Variants in SLC16A2 observed in about 807,000 individuals in gnomAD.
SLC16A2 encodes solute carrier family 16 member 2, also known as monocarboxylate transporter 8.
Under a neutral mutation model 27.2 loss-of-function variants are expected in SLC16A2, and 3 were observed. The ratio of observed to expected loss-of-function variants is 0.11; its 90% confidence interval spans 0.05 to 0.28. SLC16A2 has a LOEUF of 0.28. SLC16A2 is among the 10% of genes least tolerant of loss of function. The pLI, the probability that SLC16A2 is intolerant of heterozygous loss-of-function variation, is 1.00. For synonymous variants in SLC16A2, 202 were observed against 187.8 expected (o/e 1.08, Z -0.62); for missense variants, 295 against 458.5 (o/e 0.64, Z 3.26).
At chrX:74,463,620 G>A (rs1602116997) in intron 1 of SLC16A2, among the ~76,000 whole-genome samples, 1 of 110,469 alleles carries the variant, frequency 9.1e-6, no homozygotes, top group East Asian at 2.8e-4. Context: ...TCCTCCTCCC[G>A]GGTTCATGCC....
At chrX:74,429,293 C>A (rs971295518) in intron 1 of SLC16A2, among the ~76,000 whole-genome samples, 13 of 111,190 alleles carry the variant, frequency 1.2e-4, no homozygotes, top group Non-Finnish European at 2.3e-4. Flanking sequence ...CATAGGGATA[C>A]CCCGTCTCTA....
At chrX:74,439,255 CTCTT>C (rs1304424896) in intron 1 of SLC16A2, among the ~76,000 whole-genome samples, 1 of 76,988 alleles carries the variant, frequency 1.3e-5, no homozygotes, top group Non-Finnish European at 2.3e-5. Flanking sequence ...TCTTTCTTCT[CTCTT>C]TCTCTCTCCC....
chrX:74,521,267 C>A, intron 2 of SLC16A2, 133 bp downstream of exon 2: 1 of 781,797 alleles, frequency 1.3e-6, no homozygotes, highest in Non-Finnish European at 1.9e-6. Flanking sequence ...AGATCCTGCA[C>A]CCTGGATTCA....
chrX:74,521,690 GCATTTCTGACTCTTTTCCAGATAGCT>G (rs1394537422), intron 2 of SLC16A2, among the ~76,000 whole-genome samples: 1 of 112,305 alleles, frequency 8.9e-6, no homozygotes, highest in African/African-American at 3.2e-5. Context: ...AGGATGTTTA[GCATTTCTGACTCTTTTCCAGATAGCT>G]CAGGCTGCTG....
intron 1 of SLC16A2, among the ~76,000 whole-genome samples, chrX:74,510,706 T>C (rs1334394083): frequency 1.8e-5 from 2 of 111,071 alleles, no homozygotes; most frequent in Non-Finnish European, 3.8e-5. Flanking sequence ...AATAACCTAA[T>C]ATGGAGGTAA....
intron 3 of SLC16A2, 77 bp downstream of exon 3, chrX:74,524,886 G>C (rs1277669009): frequency 2.2e-6 from 2 of 912,872 alleles, no homozygotes; most frequent in African/African-American, 1.9e-5. Flanking sequence ...CCAGAGGGTG[G>C]GGGTGGGAGA....
chrX:74,434,114 G>A (rs1928579511), intron 1 of SLC16A2, among the ~76,000 whole-genome samples: 1 of 111,629 alleles, frequency 9.0e-6, no homozygotes, highest in African/African-American at 3.3e-5. Flanking sequence ...TTTGACCTAT[G>A]TTAGACTGGA....
At chrX:74,439,514 T>G (rs1286998130) in intron 1 of SLC16A2, among the ~76,000 whole-genome samples, 16 of 93,462 alleles carry the variant, frequency 1.7e-4, no homozygotes, top group African/African-American at 6.6e-4. Context: ...GAGGTCTCAC[T>G]GGTCTCAAAC....
At chrX:74,514,688 A>T (rs966228165) in intron 1 of SLC16A2, among the ~76,000 whole-genome samples, 8 of 111,826 alleles carry the variant, frequency 7.2e-5, no homozygotes, top group Non-Finnish European at 1.5e-4. Flanking sequence ...GGAAACTGGG[A>T]CTTTCACCAT....
At chrX:74,494,873 C>A (rs1224961948) in intron 1 of SLC16A2, among the ~76,000 whole-genome samples, 1 of 111,310 alleles carries the variant, frequency 9.0e-6, no homozygotes, top group Non-Finnish European at 1.9e-5. Context: ...CACTCTGACA[C>A]CCCTACCTGC....
At chrX:74,458,854 A>G (rs1324565902) in intron 1 of SLC16A2, among the ~76,000 whole-genome samples, 1 of 110,817 alleles carries the variant, frequency 9.0e-6, no homozygotes, top group Admixed American at 9.7e-5. Context: ...GATTTTACAC[A>G]TAAGTGAGAT....
At chrX:74,515,154 C>T (rs1313678237) in intron 1 of SLC16A2, among the ~76,000 whole-genome samples, 1 of 111,224 alleles carries the variant, frequency 9.0e-6, no homozygotes, top group African/African-American at 3.3e-5. Flanking sequence ...TGCAATCACA[C>T]TTGGAACAAA....
intron 1 of SLC16A2, chrX:74,473,974 C>G (rs1217091587): frequency 3.4e-6 from 1 of 297,686 alleles, no homozygotes; most frequent in Non-Finnish European, 6.1e-6. Context: ...TGAAGACAGA[C>G]TTTAATGACG....
intron 1 of SLC16A2, among the ~76,000 whole-genome samples, chrX:74,495,693 C>T (rs1335452181): frequency 9.1e-6 from 1 of 109,497 alleles, no homozygotes; most frequent in Non-Finnish European, 1.9e-5. Context: ...CTATAATCTC[C>T]AGGAAAAGGA....
At chrX:74,464,247 A>G (rs182268087) in intron 1 of SLC16A2, among the ~76,000 whole-genome samples, 63 of 112,526 alleles carry the variant, frequency 5.6e-4, no homozygotes, top group African/African-American at 1.9e-3. Context: ...ACATTTATGT[A>G]CAAGTTGTTT....
chrX:74,453,970 A>G (rs931202200), intron 1 of SLC16A2, among the ~76,000 whole-genome samples: 3 of 112,177 alleles, frequency 2.7e-5, no homozygotes, highest in Non-Finnish European at 5.6e-5. Flanking sequence ...TTAGGTATCC[A>G]TCACCTCAAA....
At position 74,473,365 on chromosome X, in the gene SLC16A2, C is replaced by T. The variant is rs1602120676; in HGVS notation, c.431-47625C>T. The T allele has an allele frequency of 9.2e-6, 5 of 542,047 alleles. No homozygotes were observed. In the East Asian group the frequency reaches 1.7e-4, roughly 18 times the overall value. The allele number at this position is 542,047 out of a possible 1,213,427, so 44.7% of individuals were successfully genotyped here. On this transcript the variant is annotated intron_variant, in intron 1 of 5. Transcript: ENST00000587091. Reference sequence around the variant, plus strand: ...ATCAAAGTTTCCAGAACCACTTCCACCTCTGGCTGGATGAGGCAATGGCCA... The same window carrying T: ...ATCAAAGTTTCCAGAACCACTTCCATCTCTGGCTGGATGAGGCAATGGCCA...
intron 1 of SLC16A2, among the ~76,000 whole-genome samples, chrX:74,461,343 C>G (rs1929137078): frequency 9.0e-6 from 1 of 110,901 alleles, no homozygotes; most frequent in Non-Finnish European, 1.9e-5. Context: ...TCCTCAGAAC[C>G]AGTGTTCAAG....
At chrX:74,520,145 T>TTGA (rs773952805) in intron 1 of SLC16A2, among the ~76,000 whole-genome samples, 2 of 112,015 alleles carry the variant, frequency 1.8e-5, no homozygotes, top group African/African-American at 3.2e-5. Flanking sequence ...GTGTCACTCT[T>TTGA]TGATGATGAT....
Sources: gnomAD v4.1 joint callset for allele counts (sites outside exome capture counted in the v4.1 genomes callset) on GRCh38, gnomAD v4.1.1 for gene constraint, MANE v1.5 for transcripts, NCBI Gene and HGNC (gene_info 2026-07-23, HGNC 2026-07-21) for gene names.